The following TMTC1 variants were observed in gnomAD, a reference collection of about 807,000 sequenced individuals.
The protein encoded by TMTC1 is transmembrane O-mannosyltransferase targeting cadherins 1.
Under a neutral mutation model 104.8 loss-of-function variants are expected in TMTC1, and 73 were observed. The observed-to-expected ratio is 0.70, with a 90% confidence interval of 0.58 to 0.85. TMTC1 has a LOEUF of 0.85. Ranked by LOEUF, TMTC1 falls within the 40% of genes least tolerant of loss-of-function variation. The pLI, the probability that TMTC1 is intolerant of heterozygous loss-of-function variation, is 0.00. For missense variants in TMTC1, 1,035 were observed against 1,096.1 expected (o/e 0.94, Z 0.79); for synonymous variants, 434 against 428.7 (o/e 1.01, Z -0.15).
intron 5 of TMTC1, chr12:29,666,283 AGTGGCACAATCTCGGC>A (rs1325469422): frequency 2.6e-6 from 1 of 384,590 alleles, no homozygotes; most frequent in Admixed American, 3.5e-5. Context: ...GCTGGAGTGC[AGTGGCACAATCTCGGC>A]TCACTGCAAG....
At chr12:29,621,736 G>T (rs1183497278) in intron 6 of TMTC1, among the ~76,000 whole-genome samples, 1 of 152,160 alleles carries the variant, frequency 6.6e-6, no homozygotes, top group Non-Finnish European at 1.5e-5. Context: ...TGGTGTTGTG[G>T]TGAGTAGGTT....
At chr12:29,526,837 C>T (rs923749835) in intron 11 of TMTC1, among the ~76,000 whole-genome samples, 4 of 151,874 alleles carry the variant, frequency 2.6e-5, no homozygotes, top group African/African-American at 9.7e-5. Flanking sequence ...AATATAATAA[C>T]CATAATTATG....
intron 8 of TMTC1, among the ~76,000 whole-genome samples, chr12:29,577,527 T>A (rs1945857463): frequency 1.3e-5 from 2 of 152,262 alleles, no homozygotes; most frequent in Admixed American, 6.5e-5. Flanking sequence ...GGAATCAGAA[T>A]CCTCGCACAA....
At chr12:29,676,441 C>T (rs78816353) in intron 5 of TMTC1, among the ~76,000 whole-genome samples, 1,633 of 152,306 alleles carry the variant, frequency 0.011, 35 homozygotes, top group African/African-American at 0.037. Flanking sequence ...AAGAACCAAA[C>T]TGTAAAAGTT....
At chr12:29,510,039 G>T (rs1366966412) in intron 17 of TMTC1, among the ~76,000 whole-genome samples, 1 of 152,180 alleles carries the variant, frequency 6.6e-6, no homozygotes, top group Non-Finnish European at 1.5e-5. Flanking sequence ...CATTGCAGTT[G>T]TTTGTCACTT....
At chr12:29,570,894 GCCA>G (rs1945657677) in intron 9 of TMTC1, among the ~76,000 whole-genome samples, 1 of 118,456 alleles carries the variant, frequency 8.4e-6, no homozygotes, top group Admixed American at 8.3e-5. Flanking sequence ...CCCCCCCCCC[GCCA>G]AAACACACAC....
chr12:29,663,573 G>A (rs1180810890), intron 5 of TMTC1, among the ~76,000 whole-genome samples: 3 of 151,864 alleles, frequency 2.0e-5, no homozygotes, highest in Admixed American at 6.6e-5. Flanking sequence ...CTAGAGTGTA[G>A]TGGCGTGATC....
At chr12:29,511,188 A>G (rs1359914801) in intron 17 of TMTC1, among the ~76,000 whole-genome samples, 1 of 152,150 alleles carries the variant, frequency 6.6e-6, no homozygotes, top group African/African-American at 2.4e-5. Flanking sequence ...AATATATTTT[A>G]TACATATACA....
At chr12:29,719,802 C>T (rs940725054) in intron 5 of TMTC1, among the ~76,000 whole-genome samples, 2 of 152,218 alleles carry the variant, frequency 1.3e-5, no homozygotes, top group African/African-American at 4.8e-5. Flanking sequence ...AACTACTTAG[C>T]TCATCAGTAT....
chr12:29,771,669 ATTC>A (rs1346904419), intron 1 of TMTC1, among the ~76,000 whole-genome samples: 2 of 152,140 alleles, frequency 1.3e-5, no homozygotes, highest in African/African-American at 2.4e-5. Context: ...AGAGGGAGGT[ATTC>A]TACCTGAGGA....
chr12:29,678,386 A>G (rs1269129277), intron 5 of TMTC1, among the ~76,000 whole-genome samples: 1 of 152,202 alleles, frequency 6.6e-6, no homozygotes, highest in East Asian at 1.9e-4. Context: ...AGGTAAGTGG[A>G]CGTGACAGGC....
intron 7 of TMTC1, among the ~76,000 whole-genome samples, chr12:29,583,980 C>A (rs1008070208): frequency 3.9e-5 from 6 of 152,170 alleles, no homozygotes; most frequent in African/African-American, 1.4e-4. Flanking sequence ...GTTTATGCTG[C>A]AGCAGGTCAC....
At chr12:29,565,582 C>T (rs945472554) in intron 9 of TMTC1, among the ~76,000 whole-genome samples, 20 of 152,206 alleles carry the variant, frequency 1.3e-4, no homozygotes, top group African/African-American at 4.8e-4. Context: ...TGGAGTGGCT[C>T]ACGCCTGTAA....
chr12:29,643,751 A>ATAAATATAT (rs1939062943), intron 5 of TMTC1, among the ~76,000 whole-genome samples: 2 of 7,726 alleles, frequency 2.6e-4, no homozygotes, highest in Non-Finnish European at 4.4e-4. Flanking sequence ...AATATATATA[A>ATAAATATAT]ATATTTATAA....
At chr12:29,695,792 T>TA (rs377759949) in intron 5 of TMTC1, among the ~76,000 whole-genome samples, 6,777 of 87,090 alleles carry the variant, frequency 0.078, 319 homozygotes, top group Admixed American at 0.14. Flanking sequence ...CTACTTCCTT[T>TA]TTATATATAT....
intron 6 of TMTC1, among the ~76,000 whole-genome samples, chr12:29,625,361 A>G (rs1211089416): frequency 1.3e-5 from 2 of 152,210 alleles, no homozygotes; most frequent in Non-Finnish European, 2.9e-5. Context: ...ACCTGACTGT[A>G]AGGCCTGATT....
At chr12:29,545,443 C>T (rs749183009) in intron 10 of TMTC1, among the ~76,000 whole-genome samples, 2 of 152,110 alleles carry the variant, frequency 1.3e-5, no homozygotes, top group African/African-American at 4.8e-5. Context: ...AGTTCGAGAC[C>T]AGCCTGGCTA....
At chr12:29,777,582 C>T (rs1435406334) in intron 1 of TMTC1, among the ~76,000 whole-genome samples, 1 of 148,862 alleles carries the variant, frequency 6.7e-6, no homozygotes, top group Non-Finnish European at 1.5e-5. Flanking sequence ...ATTCCTCTCA[C>T]TTTCTGTCCC....
At position 29,642,956 on chromosome 12, in the gene TMTC1, C is replaced by CAAACA. The variant is rs560403178; in HGVS notation, c.939-9621_939-9620insTGTTT. On this transcript the variant is annotated intron_variant, in intron 5 of 17. Coordinates refer to ENST00000539277, the MANE Select transcript of TMTC1 (RefSeq NM_001193451.2). ...AAAAACTCCCAAACAAACAAACAAA[C>CAAACA]AAAAAAACCCATCAAAAAGTGGGTT... Among the ~76,000 whole-genome samples, 65 of 150,312 alleles carry CAAACA rather than the reference C, an allele frequency of 4.3e-4. 1 individual carries two copies. Among genetic ancestry groups the CAAACA allele is most frequent in the African/African-American group, 1.4e-3 (58 of 40,998 alleles).
Sources: gnomAD v4.1 joint callset for allele counts (sites outside exome capture counted in the v4.1 genomes callset) on GRCh38, gnomAD v4.1.1 for gene constraint, MANE v1.5 for transcripts, NCBI Gene and HGNC (gene_info 2026-07-23, HGNC 2026-07-21) for gene names.